Variants in PSMD5 observed in about 807,000 individuals in gnomAD.
PSMD5 encodes the protein proteasome 26S subunit, non-ATPase 5.
PSMD5 carries 40 observed loss-of-function variants against 52.1 expected under a neutral mutation model. The observed-to-expected ratio is 0.77, with a 90% CI of 0.60 to 1.00. PSMD5 has a LOEUF of 1.00. Ranked by LOEUF, PSMD5 falls within the 50% of genes least tolerant of loss-of-function variation. The pLI, the probability that PSMD5 is intolerant of heterozygous loss-of-function variation, is 0.00. For synonymous variants in PSMD5, 211 were observed against 226.6 expected (o/e 0.93, Z 0.62); for missense variants, 575 against 605.2 (o/e 0.95, Z 0.52).
chr9:120,836,540 G>C (rs1454490412), intron 1 of PSMD5, among the ~76,000 whole-genome samples: 1 of 151,844 alleles, frequency 6.6e-6, no homozygotes, highest in Non-Finnish European at 1.5e-5. Flanking sequence ...GGGATCACAG[G>C]TGTCTGCCAC....
Position 120,824,600 on chromosome 9 carries a change from G to C in PSMD5, c.900C>G (p.Val300=). The change falls in exon 7 of 10, where the codon GTC becomes GTG. Residue 300 remains valine, a synonymous_variant. Transcript: ENST00000210313. ...CERYPIFVEK[V]FEMIESQDPT... Reference sequence around the variant, plus strand: ...GGTCCTGACTTTCTATCATTTCAAAGACTTTTTCCACAAAGATAGGATAAC... The same window carrying C: ...GGTCCTGACTTTCTATCATTTCAAACACTTTTTCCACAAAGATAGGATAAC... 1 of 1,614,114 alleles carries C rather than the reference G, an allele frequency of 6.2e-7. No homozygotes were observed. The highest frequency in any genetic ancestry group is 8.5e-7 in the Non-Finnish European group (1 of 1,180,016).
At position 120,842,900 on chromosome 9, in the gene PSMD5, G is replaced by A. The variant is rs771184980; in HGVS notation, c.10C>T (p.Gln4Ter). 1 of 1,587,594 alleles carries A rather than the reference G, an allele frequency of 6.3e-7. No homozygotes were observed. The highest frequency in any genetic ancestry group is 1.1e-5 in the South Asian group (1 of 89,202). MAA[Q>*]ALALLREVAR... ...ACCTCTCTCAGCAGCGCCAAAGCCTGGGCTGCCATCTTGCCCCCCGACGCA... is the reference window on the plus strand; with the variant it reads ...ACCTCTCTCAGCAGCGCCAAAGCCTAGGCTGCCATCTTGCCCCCCGACGCA... Residue 4 changes from glutamine (Q) to a stop codon, truncating the protein, a stop_gained, in exon 1 of 10, where the codon CAG (glutamine) becomes TAG (stop). Coordinates refer to ENST00000210313, the MANE Select transcript of PSMD5 (RefSeq NM_005047.4). LOFTEE classifies it high-confidence loss of function.
chr9:120,842,184 G>A (rs1358567539), intron 1 of PSMD5: 2 of 153,846 alleles, frequency 1.3e-5, no homozygotes, highest in African/African-American at 4.8e-5. Flanking sequence ...CCACATCTCG[G>A]GAAGGTTTGA....
chr9:120,820,296 C>T (rs927477219), intron 9 of PSMD5, among the ~76,000 whole-genome samples: 15 of 152,268 alleles, frequency 9.9e-5, no homozygotes, highest in Non-Finnish European at 1.8e-4. Flanking sequence ...AACGGAAACT[C>T]AACAAATATT....
chr9:120,824,354 T>C, intron 7 of PSMD5, 140 bp downstream of exon 7: 1 of 763,640 alleles, frequency 1.3e-6, no homozygotes, highest in Non-Finnish European at 2.2e-6. Context: ...TTTTCAGACA[T>C]GAGTACAAGG....
At chr9:120,823,334 G>A (rs924164347) in intron 7 of PSMD5, among the ~76,000 whole-genome samples, 5 of 148,306 alleles carry the variant, frequency 3.4e-5, no homozygotes, top group Non-Finnish European at 7.4e-5. Context: ...TCAGCCTCCC[G>A]AGTAGCTGGG....
chr9:120,821,364 C>G lies in PSMD5; in HGVS notation c.1107G>C (p.Leu369=), dbSNP rs373229757. Residue 369 remains leucine, a synonymous_variant, in exon 8 of 10, where the codon CTG becomes CTC. Transcript: ENST00000210313. ...IRCLDAISSL[L]YLPPEQQTDD... ...TTCCCTACCTACTTACTGGTAAGTA[C>G]AGAAGAGATGAAATTGCATCCAAAC... 7.4e-5 allele frequency: 118 copies of G among 1,585,766 alleles called. No homozygotes were observed. The highest frequency in any genetic ancestry group is 8.3e-5 in the Non-Finnish European group (96 of 1,158,392).
At chr9:120,835,122 T>A (rs1223864535) in intron 1 of PSMD5, among the ~76,000 whole-genome samples, 1 of 152,188 alleles carries the variant, frequency 6.6e-6, no homozygotes, top group Admixed American at 6.5e-5. Context: ...TAATTGAACC[T>A]AAGGTAGTAT....
At chr9:120,832,014 A>C in intron 2 of PSMD5, 69 bp from the exon 3 acceptor site, 1 of 1,553,256 alleles carries the variant, frequency 6.4e-7, no homozygotes, top group Non-Finnish European at 8.7e-7. Context: ...CGATGGTCCA[A>C]TTTCCTTAGT....
At chr9:120,834,639 A>C (rs923483939) in intron 1 of PSMD5, among the ~76,000 whole-genome samples, 4 of 152,212 alleles carry the variant, frequency 2.6e-5, no homozygotes, top group Admixed American at 6.5e-5. Flanking sequence ...ACAAGAACTG[A>C]AACTGAAAAG....
Position 120,831,330 on chromosome 9 carries a change from C to T in PSMD5, c.561+1G>A, listed in dbSNP as rs2045158087. ...ATGAGAAAGTGTGCTTTTTATCTTA[C>T]CTCATACACCCTGTATCGAACAATG... On this transcript the variant is annotated splice_donor_variant, in intron 4 of 9. Transcript: ENST00000210313. LOFTEE classifies it high-confidence loss of function. The T allele has an allele frequency of 1.9e-6, 3 of 1,587,138 alleles. No individual in the cohort carries two copies. Among genetic ancestry groups the T allele is most frequent in the South Asian group, 1.2e-5 (1 of 86,000 alleles).
intron 5 of PSMD5, among the ~76,000 whole-genome samples, chr9:120,828,060 G>A (rs958447328): frequency 6.6e-6 from 1 of 151,758 alleles, no homozygotes; most frequent in African/African-American, 2.4e-5. Flanking sequence ...GCAATGGCAC[G>A]ATCTTGGCTC....
At chr9:120,836,899 T>C (rs1171660329) in intron 1 of PSMD5, among the ~76,000 whole-genome samples, 3 of 151,582 alleles carry the variant, frequency 2.0e-5, no homozygotes, top group South Asian at 2.1e-4. Flanking sequence ...GATTTTTTTT[T>C]TTTTTTTTGA....
rs1251986606 is a variant in PSMD5, at chr9:120,817,560, C to T, written c.*346G>A. 2.0e-5 allele frequency: 4 copies of T among 199,668 alleles called. No homozygotes were observed. The highest frequency in any genetic ancestry group is 4.1e-5 in the Non-Finnish European group (4 of 97,492). 12.4% of individuals were successfully genotyped at this position (199,668 alleles called of 1,614,324 possible). On this transcript the variant is annotated 3_prime_UTR_variant, in exon 10 of 10. Coordinates refer to ENST00000210313, the MANE Select transcript of PSMD5 (RefSeq NM_005047.4). ...GCTGGGAATTATAGGTGTTAGCCAC[C>T]GCGCCCAGCCCTGAAGCAGGCTTTT...
rs140130557 is a variant in PSMD5, at chr9:120,826,949, G to A, written c.672-42C>T. The A allele has an allele frequency of 3.6e-5, 56 of 1,558,774 alleles. No individual in the cohort carries two copies. The African/African-American group carries it at 6.9e-4, about 19-fold the overall frequency. ...ACAAAAACAAGGAGATTTTGCACAG[G>A]ATTTGCATAGTTTATAAATTGCTCT... On this transcript the variant is annotated intron_variant, in intron 5 of 9. Transcript: ENST00000210313.
intron 1 of PSMD5, 31 bp from the exon 2 acceptor site, chr9:120,833,487 C>G: frequency 6.3e-7 from 1 of 1,595,934 alleles, no homozygotes. Context: ...CTTATTAGTT[C>G]ATATCCTGCC....
At chr9:120,818,252 A>G in intron 9 of PSMD5, 89 bp from the exon 10 acceptor site, 1 of 1,332,462 alleles carries the variant, frequency 7.5e-7, no homozygotes, top group Non-Finnish European at 1.0e-6. Context: ...AAATCTGGCA[A>G]CATGAACTTT....
intron 1 of PSMD5, among the ~76,000 whole-genome samples, chr9:120,835,265 A>C (rs2045190124): frequency 6.6e-6 from 1 of 152,264 alleles, no homozygotes; most frequent in African/African-American, 2.4e-5. Flanking sequence ...TTATGTGCAT[A>C]TAATGAATAT....
Position 120,829,163 on chromosome 9 carries a change from A to C in PSMD5, c.607T>G (p.Cys203Gly). 6.2e-7 allele frequency: 1 copy of C among 1,607,190 alleles called. No individual in the cohort carries two copies. Among genetic ancestry groups the C allele is most frequent in the Non-Finnish European group, 8.5e-7 (1 of 1,176,950 alleles). ...SSVSPESLNYCTTSGLVTQLL... is the reference protein window; with the variant it reads ...SSVSPESLNYGTTSGLVTQLL... ...TGGGTTACCAATCCACTTGTGGTAC[A>C]GTAGTTTAAAGATTCTGGTGACACG... The change falls in exon 5 of 10, where the codon TGT (cysteine) becomes GGT (glycine). Residue 203 changes from cysteine (C) to glycine (G), a missense_variant. Transcript: ENST00000210313.
Sources: allele counts gnomAD v4.1 joint callset (sites outside exome capture counted in the v4.1 genomes callset), GRCh38; gene constraint gnomAD v4.1.1; transcripts MANE v1.5; gene names NCBI Gene and HGNC (gene_info 2026-07-23, HGNC 2026-07-21).